PTPRT: variants seen among roughly 807,000 people sequenced by gnomAD.
The protein encoded by PTPRT is protein tyrosine phosphatase receptor type T, also known as receptor-type tyrosine-protein phosphatase T.
A neutral mutation model predicts 176.8 loss-of-function variants in PTPRT; 56 were observed. The ratio of observed to expected loss-of-function variants is 0.32; its 90% confidence interval spans 0.26 to 0.40. The LOEUF is 0.40. Ranked by LOEUF, PTPRT falls within the 10% of genes least tolerant of loss-of-function variation. The probability of loss-of-function intolerance (pLI) is 1.00; values close to 1 mark genes in which losing one functional copy is unlikely to be tolerated. For synonymous variants in PTPRT, 783 were observed against 739.0 expected, an observed-to-expected ratio of 1.06 and a Z score of -0.96; for missense variants, 1,540 against 1,908.2, an observed-to-expected ratio of 0.81 and a Z score of 3.60.
At chr20:42,629,973 AC>A (rs933658171) in intron 7 of PTPRT, among the ~76,000 whole-genome samples, 4 of 152,176 alleles carry the variant, frequency 2.6e-5, no homozygotes, top group Non-Finnish European at 5.9e-5. Flanking sequence ...CTGCATCCCA[AC>A]CCCTGAGACC....
Position 42,244,422 on chromosome 20 carries a change from C to T in PTPRT, c.2312+4265G>A, listed in dbSNP as rs114908419. Reference sequence around the variant, plus strand: ...GCAAAAGGTTAAGGCTGGACTAGGACGAGCTGGGCAGGGGAGCAGGGGAGG... The same window carrying T: ...GCAAAAGGTTAAGGCTGGACTAGGATGAGCTGGGCAGGGGAGCAGGGGAGG... On this transcript the variant is annotated intron_variant, in intron 14 of 30. Transcript: ENST00000373187. Among the ~76,000 whole-genome samples the T allele has an allele frequency of 7.0e-3, 1,066 of 152,262 alleles. 19 individuals are homozygous for T. The highest frequency in any genetic ancestry group is 0.023 in the African/African-American group (972 of 41,554).
chr20:42,817,875 T>C (rs910119849), intron 2 of PTPRT, among the ~76,000 whole-genome samples: 1 of 152,220 alleles, frequency 6.6e-6, no homozygotes, highest in African/African-American at 2.4e-5. Context: ...CGGATCCCCC[T>C]GGACCTGAGC....
At chr20:43,184,511 ACT>A in intron 1 of PTPRT, among the ~76,000 whole-genome samples, 1 of 152,034 alleles carries the variant, frequency 6.6e-6, no homozygotes, top group South Asian at 2.1e-4. Flanking sequence ...ACACGGTGAA[ACT>A]CTGTCTCTAC....
At chr20:42,521,285 G>T (rs1010736805) in intron 7 of PTPRT, among the ~76,000 whole-genome samples, 3 of 152,024 alleles carry the variant, frequency 2.0e-5, no homozygotes, top group Non-Finnish European at 4.4e-5. Context: ...AGGACTACAA[G>T]TTCTCCTATC....
At chr20:42,522,849 T>C (rs2072201545) in intron 7 of PTPRT, among the ~76,000 whole-genome samples, 1 of 152,164 alleles carries the variant, frequency 6.6e-6, no homozygotes, top group South Asian at 2.1e-4. Flanking sequence ...CCCTGAGCAT[T>C]TAGAAGAGAA....
chr20:43,159,273 T>A (rs547059466), intron 1 of PTPRT, among the ~76,000 whole-genome samples: 2 of 152,096 alleles, frequency 1.3e-5, no homozygotes, highest in East Asian at 3.9e-4. Flanking sequence ...GAGCTGGGGG[T>A]GGATACTACT....
At chr20:43,065,795 C>G (rs757181736) in intron 1 of PTPRT, among the ~76,000 whole-genome samples, 3 of 152,174 alleles carry the variant, frequency 2.0e-5, no homozygotes, top group Non-Finnish European at 4.4e-5. Flanking sequence ...CATAGATTCA[C>G]GCTGGTTGAA....
the PTPRT span, among the ~76,000 whole-genome samples, chr20:42,059,830 A>C: frequency 1.3e-5 from 2 of 152,058 alleles, no homozygotes; most frequent in African/African-American, 4.8e-5. Context: ...GTTCTTACTC[A>C]TGTTTTGTTT....
At chr20:42,266,947 G>T (rs1297126393) in intron 13 of PTPRT, among the ~76,000 whole-genome samples, 3 of 152,056 alleles carry the variant, frequency 2.0e-5, no homozygotes, top group Non-Finnish European at 4.4e-5. Flanking sequence ...ACACACCAAA[G>T]ACTTAGTACA....
intron 7 of PTPRT, among the ~76,000 whole-genome samples, chr20:42,549,257 G>A (rs2072726882): frequency 6.6e-6 from 1 of 151,780 alleles, no homozygotes. Flanking sequence ...TGTGTGAAAT[G>A]TACATACAGT....
At chr20:43,159,282 C>G (rs2014617901) in intron 1 of PTPRT, among the ~76,000 whole-genome samples, 1 of 152,176 alleles carries the variant, frequency 6.6e-6, no homozygotes, top group Admixed American at 6.5e-5. Context: ...GTGGATACTA[C>G]TTTCTAGCTT....
intron 11 of PTPRT, among the ~76,000 whole-genome samples, chr20:42,343,379 C>T (rs1169380025): frequency 6.6e-6 from 1 of 152,162 alleles, no homozygotes. Context: ...AATGTCTTTT[C>T]CTTCACACCC....
At chr20:42,159,228 C>T (rs951796693) in intron 17 of PTPRT, among the ~76,000 whole-genome samples, 9 of 149,516 alleles carry the variant, frequency 6.0e-5, no homozygotes, top group Non-Finnish European at 1.2e-4. Context: ...ACCCAAACAG[C>T]TATTTATTAT....
chr20:42,490,008 C>G (rs1354679304), intron 7 of PTPRT, among the ~76,000 whole-genome samples: 1 of 152,204 alleles, frequency 6.6e-6, no homozygotes, highest in African/African-American at 2.4e-5. Flanking sequence ...ACTATTCAGT[C>G]CAGTTGATCT....
rs6072802 is a variant in PTPRT, at chr20:42,584,537, A to T, written c.1153+93329T>A. ...TCTTCTCTGATATCTTACCTAAAACAGGAGTCCTTTTCTTCCACCTCAGCC... is the reference window on the plus strand; with the variant it reads ...TCTTCTCTGATATCTTACCTAAAACTGGAGTCCTTTTCTTCCACCTCAGCC... On this transcript the variant is annotated intron_variant, in intron 7 of 30. Coordinates refer to ENST00000373187, the MANE Select transcript of PTPRT (RefSeq NM_007050.6). Among the ~76,000 whole-genome samples the T allele has an allele frequency of 3.3e-4, 50 of 151,972 alleles. 1 individual carries two copies. The highest frequency in any genetic ancestry group is 1.1e-3 in the African/African-American group (46 of 41,350).
At chr20:42,599,206 G>A (rs973919439) in intron 7 of PTPRT, among the ~76,000 whole-genome samples, 1 of 152,132 alleles carries the variant, frequency 6.6e-6, no homozygotes, top group African/African-American at 2.4e-5. Context: ...ACTCTGGCTT[G>A]GACAACTGGG....
chr20:42,484,889 T>A (rs932717925), intron 7 of PTPRT, among the ~76,000 whole-genome samples: 1 of 152,170 alleles, frequency 6.6e-6, no homozygotes, highest in African/African-American at 2.4e-5. Flanking sequence ...AGAAATCTGA[T>A]GTCCTCCTAG....
At chr20:42,570,739 C>T (rs1200185994) in intron 7 of PTPRT, among the ~76,000 whole-genome samples, 2 of 152,050 alleles carry the variant, frequency 1.3e-5, no homozygotes, top group African/African-American at 4.8e-5. Context: ...GAAGATTTCC[C>T]CTCTTCCTCC....
Position 42,253,736 on chromosome 20 carries a change from G to A in PTPRT, c.2177-4914C>T, listed in dbSNP as rs182792681. On this transcript the variant is annotated intron_variant, in intron 13 of 30. Coordinates refer to ENST00000373187, the MANE Select transcript of PTPRT (RefSeq NM_007050.6). ...AACCAAAAATAATCTTGTGAACTCA[G>A]CTTGTACTGACAGGAGACTCCCTCT... is the stretch of plus-strand genomic sequence containing the variant. Among the ~76,000 whole-genome samples the A allele has an allele frequency of 2.4e-3, 363 of 152,262 alleles. 2 individuals carry two copies. Among genetic ancestry groups the A allele is most frequent in the Non-Finnish European group, 4.4e-3 (296 of 68,014 alleles).
Sources: allele counts gnomAD v4.1 joint callset (sites outside exome capture counted in the v4.1 genomes callset), GRCh38; gene constraint gnomAD v4.1.1; transcripts MANE v1.5; gene names NCBI Gene and HGNC (gene_info 2026-07-23, HGNC 2026-07-21).